Variants in RUNX2 observed in about 807,000 individuals in gnomAD.
RUNX2 encodes the protein RUNX family transcription factor 2.
A neutral mutation model predicts 51.7 loss-of-function variants in RUNX2; 10 were observed. That is an observed-to-expected ratio of 0.19 (90% CI 0.12 to 0.33). The LOEUF is 0.33. Among genes scored for constraint, RUNX2 ranks in the 10% least tolerant of loss-of-function variants. RUNX2 has a pLI of 1.00. For synonymous variants in RUNX2, 276 were observed against 273.6 expected, an observed-to-expected ratio of 1.01 and a Z score of -0.09; for missense variants, 562 against 691.3, an observed-to-expected ratio of 0.81 and a Z score of 2.10.
chr6:45,537,100 AAG>A (rs1421183219), intron 7 of RUNX2, among the ~76,000 whole-genome samples: 1 of 152,194 alleles, frequency 6.6e-6, no homozygotes, highest in African/African-American at 2.4e-5. Context: ...TCCTGCTTAC[AAG>A]AGTCTCATGC....
At chr6:45,332,739 C>T (rs986365820) in intron 2 of RUNX2, among the ~76,000 whole-genome samples, 2 of 151,566 alleles carry the variant, frequency 1.3e-5, no homozygotes, top group Non-Finnish European at 3.0e-5. Context: ...TAGACAAATG[C>T]CATCAACTCA....
chr6:45,349,002 G>A (rs1172631368), intron 2 of RUNX2, among the ~76,000 whole-genome samples: 2 of 152,064 alleles, frequency 1.3e-5, no homozygotes, highest in Non-Finnish European at 2.9e-5. Flanking sequence ...AGTAAATGTT[G>A]AATAAATGAA....
intron 5 of RUNX2, among the ~76,000 whole-genome samples, chr6:45,477,376 T>C (rs1799985843): frequency 6.6e-6 from 1 of 152,228 alleles, no homozygotes; most frequent in Non-Finnish European, 1.5e-5. Flanking sequence ...TTCAGACTGG[T>C]ATTTCTAGGT....
intron 5 of RUNX2, among the ~76,000 whole-genome samples, chr6:45,442,962 C>T (rs1477038960): frequency 4.0e-5 from 6 of 151,898 alleles, no homozygotes; most frequent in Non-Finnish European, 8.8e-5. Context: ...TGGTCTTTCC[C>T]GCTGAGTCTG....
At chr6:45,375,570 A>C (rs1796663973) in intron 2 of RUNX2, among the ~76,000 whole-genome samples, 1 of 151,310 alleles carries the variant, frequency 6.6e-6, no homozygotes, top group Admixed American at 6.6e-5. Flanking sequence ...TAAAGAGACA[A>C]GGTCTCCCTC....
At chr6:45,499,429 T>C (rs1800737946) in intron 6 of RUNX2, among the ~76,000 whole-genome samples, 1 of 152,052 alleles carries the variant, frequency 6.6e-6, no homozygotes, top group African/African-American at 2.4e-5. Flanking sequence ...TGAGGAAGAG[T>C]AGACTTTAGG....
intron 5 of RUNX2, among the ~76,000 whole-genome samples, chr6:45,439,670 T>C (rs1414770931): frequency 2.7e-5 from 4 of 150,390 alleles, no homozygotes; most frequent in African/African-American, 4.9e-5. Context: ...TTTGTGTGCG[T>C]GTGTGTGTGT....
In RUNX2 at chr6:45,343,862, T is replaced by C. The variant is rs181608153; in HGVS notation, c.58+15078T>C. 1.5e-3 allele frequency among the ~76,000 whole-genome samples: 224 copies of C among 152,262 alleles called. 2 individuals carry two copies. The highest frequency in any genetic ancestry group is 2.4e-3 in the Admixed American group (36 of 15,308). ...CCTTCTAGGTGCTTAAAATCATGCT[T>C]TTAATAACCCATATTAGAATCTTAG... On this transcript the variant is annotated intron_variant, in intron 2 of 8. Coordinates refer to ENST00000647337, the MANE Select transcript of RUNX2 (RefSeq NM_001024630.4).
chr6:45,491,564 A>G (rs902213313), intron 5 of RUNX2, among the ~76,000 whole-genome samples: 10 of 147,972 alleles, frequency 6.8e-5, no homozygotes, highest in African/African-American at 2.5e-4. Context: ...GAACTTTCAG[A>G]GGGGATTTCC....
rs76668969 is a variant in RUNX2 at position 45,471,866 on chromosome 6, C to A, written c.686-20075C>A. On this transcript the variant is annotated intron_variant, in intron 5 of 8. Coordinates refer to ENST00000647337, the MANE Select transcript of RUNX2 (RefSeq NM_001024630.4). ...ATTTACCTTCCTTTTCTCTATTAAG[C>A]GCTGAGTTTTTCCTTTGAAGGGCAT... is the stretch of plus-strand genomic sequence containing the variant. Among the ~76,000 whole-genome samples the A allele has an allele frequency of 4.1e-3, 620 of 152,238 alleles. 5 individuals are homozygous for A. The highest frequency in any genetic ancestry group is 0.014 in the African/African-American group (582 of 41,546).
chr6:45,402,837 C>T (rs1038862841), intron 2 of RUNX2, among the ~76,000 whole-genome samples: 4 of 152,192 alleles, frequency 2.6e-5, no homozygotes, highest in African/African-American at 7.2e-5. Flanking sequence ...CATGCCACTA[C>T]ATTCCAGCCT....
In RUNX2 at chr6:45,462,084, A is replaced by G. The variant is rs988100799; in HGVS notation, c.685+24033A>G. ...TTCAGATAAATAAAGCAAAATGTAC[A>G]GAGAAACCCTGATTAAAAATAAAGA... On this transcript the variant is annotated intron_variant, in intron 5 of 8. Coordinates refer to ENST00000647337, the MANE Select transcript of RUNX2 (RefSeq NM_001024630.4). Among the ~76,000 whole-genome samples, 11 of 152,370 alleles carry G rather than the reference A, an allele frequency of 7.2e-5. 1 individual carries two copies. The South Asian group carries it at 2.3e-3, about 32-fold the overall frequency.
At chr6:45,372,648 T>C (rs1796243997) in intron 2 of RUNX2, among the ~76,000 whole-genome samples, 1 of 152,176 alleles carries the variant, frequency 6.6e-6, no homozygotes, top group East Asian at 1.9e-4. Context: ...CTACATACCA[T>C]ACACCAAACA....
intron 5 of RUNX2, among the ~76,000 whole-genome samples, chr6:45,452,337 C>A (rs1351281117): frequency 6.6e-6 from 1 of 152,158 alleles, no homozygotes; most frequent in East Asian, 1.9e-4. Context: ...AAAACAGAAA[C>A]CTTCATGCAT....
At chr6:45,444,722 A>C (rs1248499323) in intron 5 of RUNX2, among the ~76,000 whole-genome samples, 4 of 152,214 alleles carry the variant, frequency 2.6e-5, no homozygotes, top group Non-Finnish European at 2.9e-5. Flanking sequence ...AGGCATGTCC[A>C]ATTGCAGAAG....
intron 6 of RUNX2, among the ~76,000 whole-genome samples, chr6:45,503,247 G>A (rs544811288): frequency 6.6e-6 from 1 of 152,226 alleles, no homozygotes; most frequent in South Asian, 2.1e-4. Context: ...TGGGACCAGG[G>A]ATTAGGTCAT....
chr6:45,399,572 G>C (rs566762624), intron 2 of RUNX2, among the ~76,000 whole-genome samples: 4 of 151,276 alleles, frequency 2.6e-5, no homozygotes, highest in Non-Finnish European at 5.9e-5. Flanking sequence ...GTTGGTCAGG[G>C]TAGTCTTGAA....
intron 3 of RUNX2, among the ~76,000 whole-genome samples, chr6:45,425,629 A>G (rs1418702806): frequency 6.6e-6 from 1 of 152,202 alleles, no homozygotes; most frequent in East Asian, 1.9e-4. Context: ...TACTCTGTTG[A>G]GAAAAAATGT....
intron 5 of RUNX2, among the ~76,000 whole-genome samples, chr6:45,472,647 T>C (rs1326512315): frequency 6.6e-6 from 1 of 152,220 alleles, no homozygotes; most frequent in East Asian, 1.9e-4. Flanking sequence ...GGCTTGTATC[T>C]GGTTCCTGCT....
Sources: gnomAD v4.1 joint callset for allele counts (sites outside exome capture counted in the v4.1 genomes callset) on GRCh38, gnomAD v4.1.1 for gene constraint, MANE v1.5 for transcripts, NCBI Gene and HGNC (gene_info 2026-07-23, HGNC 2026-07-21) for gene names.